Variants in PRDM16 observed in about 807,000 individuals in gnomAD.
The protein encoded by PRDM16 is histone-lysine N-methyltransferase PRDM16.
A neutral mutation model predicts 110.6 loss-of-function variants in PRDM16; 23 were observed. The ratio of observed to expected loss-of-function variants is 0.21; its 90% CI spans 0.15 to 0.29. The LOEUF (loss-of-function observed/expected upper bound fraction) is 0.29. Ranked by LOEUF, PRDM16 falls within the 10% of genes least tolerant of loss-of-function variation. The pLI is 1.00. For missense variants in PRDM16, 1,615 were observed against 1,794.3 expected (o/e 0.90, Z 1.81); for synonymous variants, 799 against 781.8 (o/e 1.02, Z -0.37).
intron 3 of PRDM16, among the ~76,000 whole-genome samples, chr1:3,272,185 C>T (rs1469222049): frequency 6.6e-6 from 1 of 152,212 alleles, no homozygotes; most frequent in East Asian, 1.9e-4. Flanking sequence ...CCCAGGGGCT[C>T]TCAGACCGGA....
At chr1:3,227,091 C>T (rs912984469) in intron 2 of PRDM16, among the ~76,000 whole-genome samples, 3 of 152,242 alleles carry the variant, frequency 2.0e-5, no homozygotes, top group Non-Finnish European at 4.4e-5. Context: ...GTGCAACGAA[C>T]ATCCACGCTC....
At chr1:3,327,986 A>G (rs921767596) in intron 3 of PRDM16, among the ~76,000 whole-genome samples, 6 of 152,246 alleles carry the variant, frequency 3.9e-5, no homozygotes, top group African/African-American at 1.4e-4. Context: ...GGGTTTTCTC[A>G]GAGACCCCTT....
chr1:3,210,307 C>T (rs1408714208), intron 2 of PRDM16, among the ~76,000 whole-genome samples: 1 of 152,208 alleles, frequency 6.6e-6, no homozygotes, highest in African/African-American at 2.4e-5. Context: ...CCTGATCCAG[C>T]TCTGAGCATG....
chr1:3,364,678 TC>T (rs1036867767), intron 3 of PRDM16, among the ~76,000 whole-genome samples: 5 of 152,072 alleles, frequency 3.3e-5, no homozygotes, highest in African/African-American at 1.2e-4. Flanking sequence ...GGCAGTGACT[TC>T]CTCCCCCACT....
intron 1 of PRDM16, among the ~76,000 whole-genome samples, chr1:3,158,745 T>TTTTC (rs199757147): frequency 6.6e-5 from 10 of 151,546 alleles, no homozygotes; most frequent in East Asian, 5.8e-4. Context: ...TTCTTCCCTT[T>TTTTC]TTTCTTTCTT....
intron 3 of PRDM16, among the ~76,000 whole-genome samples, chr1:3,247,627 C>T (rs1294941316): frequency 6.6e-6 from 1 of 152,244 alleles, no homozygotes; most frequent in African/African-American, 2.4e-5. Context: ...TGTCTCACAC[C>T]CTGGTCTCTG....
At chr1:3,221,249 AAGAG>A (rs1438448618) in intron 2 of PRDM16, among the ~76,000 whole-genome samples, 1 of 152,242 alleles carries the variant, frequency 6.6e-6, no homozygotes, top group African/African-American at 2.4e-5. Flanking sequence ...TCTCTAGACT[AAGAG>A]AGCAGAAGAC....
intron 4 of PRDM16, among the ~76,000 whole-genome samples, chr1:3,385,587 G>A (rs902415200): frequency 2.6e-5 from 4 of 152,210 alleles, no homozygotes; most frequent in African/African-American, 9.7e-5. Flanking sequence ...GCAGGACCGC[G>A]GATCACAGGG....
intron 3 of PRDM16, among the ~76,000 whole-genome samples, chr1:3,317,657 C>T (rs537560713): frequency 2.0e-5 from 3 of 152,346 alleles, no homozygotes; most frequent in East Asian, 1.9e-4. Context: ...CAGACACAAC[C>T]GCTCCTGGGA....
intron 12 of PRDM16, among the ~76,000 whole-genome samples, chr1:3,424,154 G>A (rs1477329473): frequency 3.9e-5 from 6 of 152,212 alleles, no homozygotes; most frequent in East Asian, 1.9e-4. Context: ...CAGAGGCAGC[G>A]CACGTGCATC....
At chr1:3,225,717 C>G (rs1639274619) in intron 2 of PRDM16, among the ~76,000 whole-genome samples, 1 of 152,168 alleles carries the variant, frequency 6.6e-6, no homozygotes, top group African/African-American at 2.4e-5. Flanking sequence ...AAATAAGGCT[C>G]TAAAACCGGC....
chr1:3,431,829 T>TCTGTCTCCCTGTGC, intron 15 of PRDM16, 137 bp from the exon 16 acceptor site: 1 of 810,598 alleles, frequency 1.2e-6, no homozygotes. Context: ...TGTCCGTGTG[T>TCTGTCTCCCTGTGC]CTGTCTCCCT....
At chr1:3,221,169 G>A (rs1639142553) in intron 2 of PRDM16, among the ~76,000 whole-genome samples, 1 of 152,120 alleles carries the variant, frequency 6.6e-6, no homozygotes, top group Admixed American at 6.5e-5. Context: ...CTCAGCCTCA[G>A]CATTCGGTCT....
At chr1:3,101,683 C>T (rs1224863888) in intron 1 of PRDM16, among the ~76,000 whole-genome samples, 1 of 152,220 alleles carries the variant, frequency 6.6e-6, no homozygotes, top group Admixed American at 6.5e-5. Flanking sequence ...AGTGAGGGAA[C>T]AGAACTTGGC....
At chr1:3,130,868 C>G (rs1643320369) in intron 1 of PRDM16, among the ~76,000 whole-genome samples, 1 of 151,958 alleles carries the variant, frequency 6.6e-6, no homozygotes, top group African/African-American at 2.4e-5. Flanking sequence ...GTCAGACCCA[C>G]CAGCCCTTGC....
At chr1:3,364,977 A>G (rs1285849451) in intron 3 of PRDM16, among the ~76,000 whole-genome samples, 1 of 152,188 alleles carries the variant, frequency 6.6e-6, no homozygotes, top group African/African-American at 2.4e-5. Context: ...AGCCTTACCC[A>G]GTGCTGGGCC....
chr1:3,278,288 G>A (rs1640635800), intron 3 of PRDM16, among the ~76,000 whole-genome samples: 2 of 152,206 alleles, frequency 1.3e-5, no homozygotes, highest in African/African-American at 4.8e-5. Context: ...CCCACATGGT[G>A]TGGATAAAGG....
chr1:3,248,345 G>A (rs1323841696), intron 3 of PRDM16, among the ~76,000 whole-genome samples: 2 of 152,160 alleles, frequency 1.3e-5, no homozygotes, highest in African/African-American at 4.8e-5. Context: ...CTCTTGAAAA[G>A]GAAGGACGTG....
At chr1:3,283,845 G>A (rs781021056) in intron 3 of PRDM16, among the ~76,000 whole-genome samples, 19 of 152,236 alleles carry the variant, frequency 1.2e-4, no homozygotes, top group Non-Finnish European at 2.5e-4. Flanking sequence ...CAGCCTCCCC[G>A]ACCAACATCC....
Sources: allele counts gnomAD v4.1 joint callset (sites outside exome capture counted in the v4.1 genomes callset), GRCh38; gene constraint gnomAD v4.1.1; transcripts MANE v1.5; gene names NCBI Gene and HGNC (gene_info 2026-07-23, HGNC 2026-07-21).